Variants in ANO4 observed in about 807,000 individuals in gnomAD.
ANO4 encodes anoctamin-4.
In ANO4, 69 loss-of-function variants were observed where a neutral mutation model predicts 141.9. The observed-to-expected ratio is 0.49, with a 90% CI of 0.40 to 0.59. ANO4 has a LOEUF of 0.59. Ranked by LOEUF, ANO4 falls within the 20% of genes least tolerant of loss-of-function variation. ANO4 has a pLI of 0.00. For synonymous variants in ANO4, 350 were observed against 394.3 expected (o/e 0.89, Z 1.33); for missense variants, 894 against 1,162.2 (o/e 0.77, Z 3.36).
intron 1 of ANO4, among the ~76,000 whole-genome samples, chr12:100,860,993 T>G (rs895303230): frequency 6.6e-6 from 1 of 152,156 alleles, no homozygotes; most frequent in Non-Finnish European, 1.5e-5. Context: ...CAAGATTTAT[T>G]GTGAAGAGCG....
At chr12:100,771,286 A>G (rs1367257954) in intron 3 of ANO4, among the ~76,000 whole-genome samples, 1 of 152,188 alleles carries the variant, frequency 6.6e-6, no homozygotes, top group Non-Finnish European at 1.5e-5. Context: ...TGGAAATGAC[A>G]GGCAGAACCA....
At chr12:100,810,232 CCAGGGAAATGGTGTCCAAGCA>C (rs1261045049) in intron 1 of ANO4, among the ~76,000 whole-genome samples, 10 of 151,594 alleles carry the variant, frequency 6.6e-5, no homozygotes, top group Admixed American at 6.6e-4. Context: ...AGGGTATGAG[CCAGGGAAATGGTGTCCAAGCA>C]CAGGGAAATG....
chr12:101,065,950 G>C (rs982802508), intron 14 of ANO4, among the ~76,000 whole-genome samples: 1 of 152,188 alleles, frequency 6.6e-6, no homozygotes, highest in Non-Finnish European at 1.5e-5. Flanking sequence ...TGCAAGGATG[G>C]TTCAACATAT....
rs369830767 is a variant in ANO4 at position 101,042,318 on chromosome 12, G to A, written c.1020-16G>A. The A allele has an allele frequency of 2.0e-5, 33 of 1,613,770 alleles. No homozygotes were observed. The highest frequency in any genetic ancestry group is 1.0e-4 in the Admixed American group (6 of 59,962). On this transcript the variant is annotated splice_polypyrimidine_tract_variant and intron_variant, in intron 11 of 27. Transcript: ENST00000392977. ...ACACTGCACTGTAATTTGCAAGGCC[G>A]TTGTGTCTTTAACAGGCGGTACTTT... is the stretch of plus-strand genomic sequence containing the variant.
At chr12:100,732,197 G>A (rs1949285) in intron 1 of ANO4, among the ~76,000 whole-genome samples, 13,111 of 152,182 alleles carry the variant, frequency 0.086, 632 homozygotes, top group African/African-American at 0.12. Context: ...GTACCATTTT[G>A]TATTCTCACC....
At chr12:100,892,051 C>A (rs2040133793) in intron 1 of ANO4, among the ~76,000 whole-genome samples, 1 of 152,156 alleles carries the variant, frequency 6.6e-6, no homozygotes, top group Non-Finnish European at 1.5e-5. Flanking sequence ...CCAGGTTCAT[C>A]CATATTATTG....
At chr12:100,838,209 G>A (rs2037046369) in intron 1 of ANO4, among the ~76,000 whole-genome samples, 1 of 123,656 alleles carries the variant, frequency 8.1e-6, no homozygotes, top group African/African-American at 3.1e-5. Flanking sequence ...CAGCCTGGAT[G>A]ACAGAGTGAG....
chr12:101,096,702 G>T lies in ANO4; in HGVS notation c.1850+55G>T, dbSNP rs1025691901. 23 of 1,367,252 alleles carry T rather than the reference G, an allele frequency of 1.7e-5. No homozygotes were observed. In the South Asian group the frequency reaches 2.2e-4, roughly 13 times the overall value. 84.7% of individuals were successfully genotyped at this position (1,367,252 alleles called of 1,614,324 possible). On this transcript the variant is annotated intron_variant, in intron 19 of 27. Coordinates refer to ENST00000392977, the MANE Select transcript of ANO4 (RefSeq NM_001286615.2). ...AAGCTGAGGACAGAACACTTAGAAGGCACTGACTCGTGGGGACAGAGAAGC... is the reference window on the plus strand; with the variant it reads ...AAGCTGAGGACAGAACACTTAGAAGTCACTGACTCGTGGGGACAGAGAAGC...
intron 1 of ANO4, among the ~76,000 whole-genome samples, chr12:100,847,576 A>G (rs1231964029): frequency 6.7e-6 from 1 of 150,296 alleles, no homozygotes; most frequent in African/African-American, 2.5e-5. Context: ...GGTTCACGCC[A>G]TTCTCCTGAC....
chr12:100,970,663 C>CGCATTCCTTCCT (rs372004015), intron 5 of ANO4, among the ~76,000 whole-genome samples: 1 of 91,666 alleles, frequency 1.1e-5, no homozygotes, highest in Non-Finnish European at 2.2e-5. Flanking sequence ...CTCCCTCCCT[C>CGCATTCCTTCCT]TCCTTCCTTC....
chr12:100,879,528 T>C (rs1483641843), intron 1 of ANO4, among the ~76,000 whole-genome samples: 1 of 152,176 alleles, frequency 6.6e-6, no homozygotes, highest in Non-Finnish European at 1.5e-5. Flanking sequence ...GCCCAGTGCA[T>C]TGTAAATGCT....
chr12:100,797,145 T>TATATAC, intron 1 of ANO4, among the ~76,000 whole-genome samples: 1 of 151,744 alleles, frequency 6.6e-6, no homozygotes, highest in African/African-American at 2.4e-5. Context: ...TATATATATA[T>TATATAC]ACACACATAT....
rs1354631961 is a variant in ANO4, at chr12:101,000,361, C to T, written c.734+12691C>T. Among the ~76,000 whole-genome samples the T allele has an allele frequency of 2.0e-5, 3 of 152,222 alleles. No homozygotes were observed. In the South Asian group the frequency reaches 6.2e-4, roughly 32 times the overall value. On this transcript the variant is annotated intron_variant, in intron 8 of 27. Transcript: ENST00000392977. ...ACATATGACTACTTGCTTTTAAACT[C>T]TCAGCATAGATATCGGAAGATAGTG...
chr12:100,928,197 A>G (rs967599562), intron 3 of ANO4, among the ~76,000 whole-genome samples: 2 of 152,070 alleles, frequency 1.3e-5, no homozygotes, highest in South Asian at 2.1e-4. Flanking sequence ...GGGGGCTGGC[A>G]TATATTGAGC....
chr12:101,054,740 T>C (rs1479616052), intron 14 of ANO4, among the ~76,000 whole-genome samples: 4 of 152,208 alleles, frequency 2.6e-5, no homozygotes, highest in African/African-American at 9.7e-5. Flanking sequence ...GACCTTGTGA[T>C]CCGCCCGCCT....
intron 22 of ANO4, among the ~76,000 whole-genome samples, chr12:101,109,791 T>A (rs2137010627): frequency 6.6e-6 from 1 of 152,310 alleles, no homozygotes; most frequent in South Asian, 2.1e-4. Context: ...TTAATTTTCA[T>A]AGTTCCTCCT....
At chr12:101,104,777 A>C (rs561723323) in intron 22 of ANO4, among the ~76,000 whole-genome samples, 145 of 150,932 alleles carry the variant, frequency 9.6e-4, no homozygotes, top group Admixed American at 4.0e-3. Context: ...TTTTTATGTC[A>C]ATTAGGCAAG....
intron 3 of ANO4, among the ~76,000 whole-genome samples, chr12:100,749,922 G>A (rs2032296000): frequency 6.6e-6 from 1 of 152,072 alleles, no homozygotes; most frequent in Non-Finnish European, 1.5e-5. Flanking sequence ...ATAGCACTTC[G>A]TAATTAATGG....
intron 1 of ANO4, among the ~76,000 whole-genome samples, chr12:100,828,240 C>T (rs2036461415): frequency 1.3e-5 from 2 of 151,988 alleles, no homozygotes; most frequent in Non-Finnish European, 2.9e-5. Context: ...CTCCATTCCT[C>T]CTTTTTTCAG....
Sources: allele counts gnomAD v4.1 joint callset (sites outside exome capture counted in the v4.1 genomes callset), GRCh38; gene constraint gnomAD v4.1.1; transcripts MANE v1.5; gene names NCBI Gene and HGNC (gene_info 2026-07-23, HGNC 2026-07-21).